SH3GL3: variants seen among roughly 807,000 people sequenced by gnomAD.
The protein encoded by SH3GL3 is SH3 domain containing GRB2 like 3, endophilin A3, also known as endophilin-A3.
A neutral mutation model predicts 47.7 loss-of-function variants in SH3GL3; 33 were observed. The ratio of observed to expected loss-of-function variants is 0.69; its 90% CI spans 0.52 to 0.92. The LOEUF is 0.92. Ranked by LOEUF, SH3GL3 falls within the 40% of genes least tolerant of loss-of-function variation. The probability of loss-of-function intolerance (pLI) is 0.00; values close to 1 mark genes in which losing one functional copy is unlikely to be tolerated. For synonymous variants in SH3GL3, 155 were observed against 148.8 expected (o/e 1.04, Z -0.30); for missense variants, 363 against 417.8 (o/e 0.87, Z 1.14).
At chr15:83,506,412 G>T (rs1304156228) in intron 1 of SH3GL3, among the ~76,000 whole-genome samples, 3 of 151,974 alleles carry the variant, frequency 2.0e-5, no homozygotes, top group Non-Finnish European at 2.9e-5. Context: ...TTTCTCTTTT[G>T]TTAATTGCTC....
At chr15:83,507,447 G>T (rs1478513838) in intron 1 of SH3GL3, among the ~76,000 whole-genome samples, 3 of 150,950 alleles carry the variant, frequency 2.0e-5, no homozygotes, top group Non-Finnish European at 2.9e-5. Context: ...AGAGAGTCTC[G>T]CTCTGTCGCC....
At chr15:83,556,086 A>G (rs2044941684) in intron 1 of SH3GL3, among the ~76,000 whole-genome samples, 1 of 152,264 alleles carries the variant, frequency 6.6e-6, no homozygotes, top group Non-Finnish European at 1.5e-5. Context: ...CACCAGAAAT[A>G]GAAGCTTGAG....
intron 8 of SH3GL3, among the ~76,000 whole-genome samples, chr15:83,613,625 ATCTATCT>A (rs1567039333): frequency 2.2e-3 from 28 of 12,668 alleles, no homozygotes; most frequent in African/African-American, 7.4e-3. Flanking sequence ...ATATAAATCT[ATCTATCT>A]ATCTATCTAT....
chr15:83,448,757 CA>C lies in SH3GL3; in HGVS notation c.45+1180del, dbSNP rs2039583504. On this transcript the variant is annotated intron_variant, in intron 1 of 8. Transcript: ENST00000427482. The surrounding 1 kb of genome is among the most constrained non-coding windows in gnomAD (Gnocchi z 4.2). ...GATTCTCTTCTTCTAGCCCCAGTTC[CA>C]GGCTGAAAGGCACTGCTGTCCCCTC... is the stretch of plus-strand genomic sequence containing the variant. 6.6e-6 allele frequency among the ~76,000 whole-genome samples: 1 copy of C among 152,038 alleles called. No homozygotes were observed. The highest frequency in any genetic ancestry group is 1.5e-5 in the Non-Finnish European group (1 of 68,012).
At chr15:83,469,599 T>A (rs2040738172) in intron 1 of SH3GL3, among the ~76,000 whole-genome samples, 2 of 152,296 alleles carry the variant, frequency 1.3e-5, no homozygotes, top group South Asian at 4.1e-4. Flanking sequence ...TAGAAGTTTG[T>A]TTTTTTAGTT....
intron 1 of SH3GL3, among the ~76,000 whole-genome samples, chr15:83,476,681 C>T (rs2151545363): frequency 6.6e-6 from 1 of 152,350 alleles, no homozygotes; most frequent in South Asian, 2.1e-4. Context: ...TATTGGAACA[C>T]AGCCATGCTC....
At chr15:83,489,678 C>T (rs2041776112) in intron 1 of SH3GL3, among the ~76,000 whole-genome samples, 1 of 152,186 alleles carries the variant, frequency 6.6e-6, no homozygotes, top group South Asian at 2.1e-4. Context: ...ACTAACCCCT[C>T]TGGGCCTCTA....
intron 8 of SH3GL3, chr15:83,609,436 G>T (rs919327444): frequency 1.2e-4 from 48 of 407,412 alleles, no homozygotes; most frequent in African/African-American, 9.4e-4. Context: ...CAGTCTGGGG[G>T]ATTTACTAAA....
the SH3GL3 span, among the ~76,000 whole-genome samples, chr15:83,632,966 G>A: frequency 6.6e-6 from 1 of 152,102 alleles, no homozygotes. Context: ...TCATTAATCA[G>A]CATCAGAAAA....
chr15:83,557,679 A>G (rs536018738), intron 1 of SH3GL3, among the ~76,000 whole-genome samples: 4 of 152,234 alleles, frequency 2.6e-5, no homozygotes, highest in Admixed American at 6.5e-5. Flanking sequence ...GTTTCTCTCC[A>G]TTCAGTTAAT....
chr15:83,569,868 C>T (rs1450827061), intron 4 of SH3GL3, among the ~76,000 whole-genome samples: 3 of 152,126 alleles, frequency 2.0e-5, no homozygotes, highest in Non-Finnish European at 4.4e-5. Flanking sequence ...TTTTTTCCCC[C>T]CTGTCTCATG....
At chr15:83,541,312 ATTTTTTTTTTTTTTTTTTTTTT>A (rs71156085) in intron 1 of SH3GL3, among the ~76,000 whole-genome samples, 28 of 47,368 alleles carry the variant, frequency 5.9e-4, no homozygotes, top group Middle Eastern at 0.026. Flanking sequence ...TGGTAATTCT[ATTTTTTTTTTTTTTTTTTTTTT>A]TTTTTTTTTT....
rs138211621 is a variant in SH3GL3, at chr15:83,568,275, C to T, written c.188-254C>T. Among the ~76,000 whole-genome samples, 466 of 152,262 alleles carry T rather than the reference C, an allele frequency of 3.1e-3. 18 individuals carry two copies. The East Asian group carries it at 0.075, about 25-fold the overall frequency. On this transcript the variant is annotated intron_variant, in intron 3 of 8. Coordinates refer to ENST00000427482, the MANE Select transcript of SH3GL3 (RefSeq NM_003027.5). ...TTGGGATTACAGGTGTGAGCCACTG[C>T]GCCCAGCCGATGTGCACCATCATTT... is the stretch of plus-strand genomic sequence containing the variant.
chr15:83,464,434 A>T (rs1020154773), intron 1 of SH3GL3, among the ~76,000 whole-genome samples: 6 of 151,974 alleles, frequency 3.9e-5, no homozygotes, highest in African/African-American at 1.5e-4. Flanking sequence ...CTATACATTG[A>T]TTTCTCTCTA....
intron 1 of SH3GL3, among the ~76,000 whole-genome samples, chr15:83,549,156 C>T (rs1452366204): frequency 6.6e-6 from 1 of 152,076 alleles, no homozygotes; most frequent in East Asian, 1.9e-4. Context: ...TTTACATTGT[C>T]ATTTATTTTA....
At chr15:83,508,253 A>G (rs1011867074) in intron 1 of SH3GL3, among the ~76,000 whole-genome samples, 2 of 151,982 alleles carry the variant, frequency 1.3e-5, no homozygotes, top group South Asian at 4.2e-4. Context: ...GCACAATTTT[A>G]AATACCGTGG....
intron 1 of SH3GL3, among the ~76,000 whole-genome samples, chr15:83,540,501 T>C (rs1024537418): frequency 1.5e-4 from 23 of 152,166 alleles, no homozygotes; most frequent in African/African-American, 5.5e-4. Context: ...TTAAATTGAC[T>C]TTTTACAATT....
At chr15:83,450,699 ATTTTTCTTT>A (rs979568083) in intron 1 of SH3GL3, among the ~76,000 whole-genome samples, 1 of 108,702 alleles carries the variant, frequency 9.2e-6, no homozygotes, top group Non-Finnish European at 2.0e-5. Context: ...TAGAACCCAA[ATTTTTCTTT>A]TTTTTTTTTT....
At chr15:83,562,854 A>G (rs2730090) in intron 2 of SH3GL3, among the ~76,000 whole-genome samples, 131,186 of 152,190 alleles carry the variant, frequency 0.86, 57,185 homozygotes, top group Admixed American at 0.91. Flanking sequence ...ACATTTCAAC[A>G]ATCTTGGCAA....
Sources: gnomAD v4.1 joint callset for allele counts (sites outside exome capture counted in the v4.1 genomes callset) on GRCh38, gnomAD v4.1.1 for gene constraint, Gnocchi (gnomAD v3.1) non-coding constraint, MANE v1.5 for transcripts, NCBI Gene and HGNC (gene_info 2026-07-23, HGNC 2026-07-21) for gene names.